The following TXNRD1 variants were observed in gnomAD, a reference collection of about 807,000 sequenced individuals.
TXNRD1 encodes the protein thioredoxin reductase 1, also known as thioredoxin reductase 1, cytoplasmic.
A neutral mutation model predicts 80.3 loss-of-function variants in TXNRD1; 57 were observed. The observed-to-expected ratio is 0.71, with a 90% CI of 0.57 to 0.89. The LOEUF is 0.89. Ranked by LOEUF, TXNRD1 falls within the 40% of genes least tolerant of loss-of-function variation. TXNRD1 has a pLI of 0.00. For missense variants in TXNRD1, 730 were observed against 803.0 expected, an observed-to-expected ratio of 0.91 and a Z score of 1.10; for synonymous variants, 291 against 285.2, an observed-to-expected ratio of 1.02 and a Z score of -0.20.
chr12:104,332,556 C>A (rs1173134091), intron 14 of TXNRD1, among the ~76,000 whole-genome samples: 1 of 151,832 alleles, frequency 6.6e-6, no homozygotes, highest in Non-Finnish European at 1.5e-5. Flanking sequence ...TTGAGACCAG[C>A]CTGACCAACG....
At chr12:104,306,849 C>G (rs1378485985) in intron 4 of TXNRD1, among the ~76,000 whole-genome samples, 4 of 152,160 alleles carry the variant, frequency 2.6e-5, no homozygotes, top group Non-Finnish European at 5.9e-5. Flanking sequence ...TTGCAGAGAT[C>G]TGCTGTTGGA....
chr12:104,340,785 A>G (rs1303848979), intron 16 of TXNRD1, among the ~76,000 whole-genome samples: 1 of 152,178 alleles, frequency 6.6e-6, no homozygotes, highest in Non-Finnish European at 1.5e-5. Flanking sequence ...ATTCACAAAT[A>G]CTGGGGGTTA....
At chr12:104,275,343 A>G (rs1280602953) in intron 3 of TXNRD1, among the ~76,000 whole-genome samples, 1 of 152,178 alleles carries the variant, frequency 6.6e-6, no homozygotes, top group African/African-American at 2.4e-5. Flanking sequence ...GGTAATGAGA[A>G]TATATGCACT....
At chr12:104,316,580 G>T (rs1401424107) in intron 7 of TXNRD1, among the ~76,000 whole-genome samples, 1 of 152,130 alleles carries the variant, frequency 6.6e-6, no homozygotes, top group East Asian at 1.9e-4. Flanking sequence ...TAGTAGAGGT[G>T]GGGTTTTACC....
chr12:104,312,951 CTG>C (rs35704958), intron 5 of TXNRD1, among the ~76,000 whole-genome samples: 73,915 of 151,696 alleles, frequency 0.49, 18,429 homozygotes, highest in East Asian at 0.62. Flanking sequence ...ATTGCTGAAT[CTG>C]TTATTGTTTG....
At chr12:104,258,929 C>T (rs1270845799) in intron 3 of TXNRD1, among the ~76,000 whole-genome samples, 1 of 151,882 alleles carries the variant, frequency 6.6e-6, no homozygotes, top group African/African-American at 2.4e-5. Flanking sequence ...GACCTTGTAT[C>T]GAAAAACAAA....
intron 2 of TXNRD1, among the ~76,000 whole-genome samples, chr12:104,252,660 T>TATATATA (rs1182730147): frequency 9.4e-5 from 5 of 53,206 alleles, no homozygotes; most frequent in African/African-American, 5.3e-4. Flanking sequence ...ATTTATTATT[T>TATATATA]TTTATATATA....
chr12:104,231,396 G>T (rs571137616), intron 1 of TXNRD1, among the ~76,000 whole-genome samples: 1 of 152,156 alleles, frequency 6.6e-6, no homozygotes, highest in Admixed American at 6.5e-5. Context: ...GAGTTGGATT[G>T]CTTCTAGGCG....
intron 8 of TXNRD1, 25 bp downstream of exon 8, chr12:104,319,080 C>CTTT: frequency 2.5e-6 from 3 of 1,211,928 alleles, no homozygotes; most frequent in South Asian, 3.1e-5. Context: ...TCCTGACTAG[C>CTTT]TTTTTTTTTT....
chr12:104,259,490 CTTT>C (rs574276851), intron 3 of TXNRD1, among the ~76,000 whole-genome samples: 4 of 128,712 alleles, frequency 3.1e-5, no homozygotes, highest in Admixed American at 8.0e-5. Flanking sequence ...AGTTTCATTT[CTTT>C]TTTTTTTTTT....
intron 4 of TXNRD1, chr12:104,304,501 GA>G (rs1168322267): frequency 1.9e-6 from 3 of 1,613,830 alleles, no homozygotes; most frequent in Non-Finnish European, 1.7e-6. Context: ...TTGAACACCA[GA>G]AAAAAGTTCG....
intron 3 of TXNRD1, chr12:104,287,451 A>C: frequency 6.2e-7 from 1 of 1,612,566 alleles, no homozygotes; most frequent in Non-Finnish European, 8.5e-7. Flanking sequence ...CGTTTCTTAC[A>C]GAGTCCGAGT....
At chr12:104,308,766 A>C (rs967561709) in intron 4 of TXNRD1, among the ~76,000 whole-genome samples, 2 of 152,042 alleles carry the variant, frequency 1.3e-5, no homozygotes, top group African/African-American at 4.8e-5. Context: ...TCTCTGTGCT[A>C]CCTTCTACTG....
chr12:104,304,602 G>A, intron 4 of TXNRD1: 1 of 1,613,896 alleles, frequency 6.2e-7, no homozygotes, highest in South Asian at 1.1e-5. Flanking sequence ...AACGTAGAAA[G>A]GATTTTGGGA....
intron 4 of TXNRD1, among the ~76,000 whole-genome samples, chr12:104,291,296 G>A (rs1173642487): frequency 3.4e-5 from 5 of 146,106 alleles, no homozygotes; most frequent in African/African-American, 1.3e-4. Flanking sequence ...TACCTCCCAG[G>A]TTCAAGCGAT....
At chr12:104,232,998 A>G (rs1464957453) in intron 1 of TXNRD1, among the ~76,000 whole-genome samples, 1 of 152,250 alleles carries the variant, frequency 6.6e-6, no homozygotes, top group Non-Finnish European at 1.5e-5. Flanking sequence ...TAAATGCACA[A>G]TGGAGAACAA....
intron 1 of TXNRD1, among the ~76,000 whole-genome samples, chr12:104,225,573 A>G (rs1001666895): frequency 8.5e-5 from 13 of 152,058 alleles, no homozygotes; most frequent in Non-Finnish European, 1.5e-5. Flanking sequence ...TTCTCATGAG[A>G]TATGATGGTT....
At chr12:104,272,465 G>A (rs577717808) in intron 3 of TXNRD1, among the ~76,000 whole-genome samples, 37 of 152,136 alleles carry the variant, frequency 2.4e-4, no homozygotes, top group Non-Finnish European at 4.4e-4. Context: ...GTAGGTACTC[G>A]AAAAGGTTGC....
chr12:104,303,661 T>TGGGCC (rs965802232), intron 4 of TXNRD1: 17 of 450,814 alleles, frequency 3.8e-5, no homozygotes, highest in Admixed American at 1.3e-4. Flanking sequence ...GGCTTGTGGC[T>TGGGCC]GGGCCGGGCC....
Sources: allele counts gnomAD v4.1 joint callset (sites outside exome capture counted in the v4.1 genomes callset), GRCh38; gene constraint gnomAD v4.1.1; transcripts MANE v1.5; gene names NCBI Gene and HGNC (gene_info 2026-07-23, HGNC 2026-07-21).